HNF1A: variants seen among roughly 807,000 people sequenced by gnomAD.
HNF1A encodes the protein hepatocyte nuclear factor 1-alpha.
Under a neutral mutation model 62.2 loss-of-function variants are expected in HNF1A, and 21 were observed. The observed-to-expected ratio is 0.34, with a 90% CI of 0.24 to 0.49. The LOEUF is 0.49. HNF1A is among the 20% of genes least tolerant of loss of function. The pLI is 0.99. For missense variants in HNF1A, 687 were observed against 832.3 expected (o/e 0.83, Z 2.15); for synonymous variants, 374 against 366.8 (o/e 1.02, Z -0.22).
intron 6 of HNF1A, chr12:120,997,200 G>C: frequency 7.1e-7 from 1 of 1,416,284 alleles, no homozygotes; most frequent in South Asian, 1.6e-5. Flanking sequence ...GAACCCCAGG[G>C]CTCCAGGGAA....
intron 7 of HNF1A, 141 bp downstream of exon 7, chr12:120,997,806 G>A: frequency 2.2e-6 from 2 of 893,052 alleles, no homozygotes; most frequent in Non-Finnish European, 3.7e-6. Flanking sequence ...GAGGGTGTCT[G>A]CAGGCCAGTG....
intron 1 of HNF1A, among the ~76,000 whole-genome samples, chr12:120,981,720 C>T (rs1488373308): frequency 6.6e-6 from 1 of 152,242 alleles, no homozygotes; most frequent in East Asian, 1.9e-4. Flanking sequence ...CCGTCACTCT[C>T]TTCCACTACT....
rs368683806 is a variant in HNF1A at position 120,996,676 on chromosome 12, G to C, written c.1243G>C (p.Gly415Arg). ...MASLPGVMTI[G>R]PGEPASLGPT... is the part of the protein sequence containing the mutation. The stretch of plus-strand genomic sequence containing the variant: ...CTCACTTCCTGGGGTCATGACCATC[G>C]GGCCTGGTGAGCCTGCCTCCCTGGG... The change falls in exon 6 of 10, where the codon GGG (glycine) becomes CGG (arginine). Residue 415 changes from glycine to arginine, a missense_variant. Coordinates refer to ENST00000257555, the MANE Select transcript of HNF1A (RefSeq NM_000545.8). The surrounding 1 kb of genome is among the most constrained non-coding windows in gnomAD (Gnocchi z 4.5). The C allele has an allele frequency of 6.2e-7, 1 of 1,613,968 alleles. No homozygotes were observed. Among genetic ancestry groups the C allele is most frequent in the Non-Finnish European group, 8.5e-7 (1 of 1,180,012 alleles).
At position 120,999,563 on chromosome 12, in the gene HNF1A, C is replaced by T. The variant is rs148520816; in HGVS notation, c.1704C>T (p.Pro568=). The change falls in exon 9 of 10, where the codon CCC becomes CCT. Residue 568 remains proline (P), a synonymous_variant. Coordinates refer to ENST00000257555, the MANE Select transcript of HNF1A (RefSeq NM_000545.8). ...PASQATTLHV[P]SQDPASIQHL... is the part of the protein sequence containing the mutation. ...CTCAGGCCACCACCCTCCACGTCCCCAGCCAGGACCCTGCCAGCATCCAGC... is the reference window on the plus strand; with the variant it reads ...CTCAGGCCACCACCCTCCACGTCCCTAGCCAGGACCCTGCCAGCATCCAGC... 1.8e-4 allele frequency: 291 copies of T among 1,612,982 alleles called. 2 individuals carry two copies. The African/African-American group carries it at 3.6e-3, about 20-fold the overall frequency.
At chr12:120,986,967 G>A (rs1474765149) in intron 1 of HNF1A, among the ~76,000 whole-genome samples, 3 of 152,092 alleles carry the variant, frequency 2.0e-5, no homozygotes, top group African/African-American at 7.2e-5. Flanking sequence ...CAGGAGAGGA[G>A]GAGAGAAAAT....
chr12:120,990,131 A>G (rs1299791635), intron 2 of HNF1A, among the ~76,000 whole-genome samples: 1 of 150,630 alleles, frequency 6.6e-6, no homozygotes, highest in Non-Finnish European at 1.5e-5. Context: ...ATCCAGGTTA[A>G]TTTTTTTTTA....
intron 1 of HNF1A, among the ~76,000 whole-genome samples, chr12:120,988,321 A>C: frequency 1.3e-5 from 2 of 148,498 alleles, no homozygotes; most frequent in East Asian, 4.1e-4. Context: ...TCCATCATCC[A>C]TCCACCCATC....
In HNF1A at chr12:121,001,067, T is replaced by C; in HGVS notation, c.1771T>C (p.Ser591Pro). Residue 591 changes from serine (S) to proline (P), a missense_variant and splice_region_variant, in exon 10 of 10, where the codon TCC becomes CCC. Physicochemically the swap from Ser to Pro is moderately conservative, Grantham distance 74. Coordinates refer to ENST00000257555, the MANE Select transcript of HNF1A (RefSeq NM_000545.8). ...AGCAGCCTTGTTTGCCTCTGCAGTG[T>C]CCTCCAGCAGCCTGGTGCTGTACCA... ...AHRLSASPTV[S>P]SSSLVLYQSS... 1 of 1,613,268 alleles carries C rather than the reference T, an allele frequency of 6.2e-7. No homozygotes were observed. Among genetic ancestry groups the C allele is most frequent in the South Asian group, 1.1e-5 (1 of 91,082 alleles).
At chr12:120,981,891 A>G (rs1481374300) in intron 1 of HNF1A, among the ~76,000 whole-genome samples, 1 of 152,112 alleles carries the variant, frequency 6.6e-6, no homozygotes, top group East Asian at 1.9e-4. Context: ...GCACAGCAGG[A>G]ATGAGTGAGT....
At position 120,988,971 on chromosome 12, in the gene HNF1A, G is replaced by A. The variant is rs2135832770; in HGVS notation, c.465G>A (p.Lys155=). The A allele has an allele frequency of 6.2e-7, 1 of 1,614,232 alleles. No individual in the cohort carries two copies. Among genetic ancestry groups the A allele is most frequent in the Non-Finnish European group, 8.5e-7 (1 of 1,180,044 alleles). ...ACCTCAACAAGGGCACTCCCATGAA[G>A]ACGCAGAAGCGGGCCGCCCTGTACA... ...SQHLNKGTPM[K]TQKRAALYTW... is the part of the protein sequence containing the mutation. The change falls in exon 2 of 10, where the codon AAG becomes AAA. Residue 155 remains lysine (K), a synonymous_variant. Coordinates refer to ENST00000257555, the MANE Select transcript of HNF1A (RefSeq NM_000545.8).
chr12:120,996,097 C>G lies in HNF1A; in HGVS notation c.956-165C>G, dbSNP rs984215805. ...TTCAAGGAACTGGGAGCAGCTGACC[C>G]AGGGCTTGGCAAAAGGTAGAAACAA... On this transcript the variant is annotated intron_variant, in intron 4 of 9. Transcript: ENST00000257555. This position sits in a 1 kb window ranked among gnomAD's most constrained non-coding sequence, Gnocchi z 4.5. Among the ~76,000 whole-genome samples the G allele has an allele frequency of 1.3e-5, 2 of 152,174 alleles. No homozygotes were observed. Among genetic ancestry groups the G allele is most frequent in the African/African-American group, 4.8e-5 (2 of 41,434 alleles).
At chr12:120,994,034 G>A (rs758355291) in intron 3 of HNF1A, 130 bp from the exon 4 acceptor site, 1 of 1,251,480 alleles carries the variant, frequency 8.0e-7, no homozygotes, top group African/African-American at 1.5e-5. Context: ...AGCAGACCTG[G>A]CATTGGAACC....
At chr12:120,987,290 C>T (rs370375350) in intron 1 of HNF1A, among the ~76,000 whole-genome samples, 5 of 151,872 alleles carry the variant, frequency 3.3e-5, no homozygotes, top group East Asian at 3.9e-4. Flanking sequence ...CTGGCTAACA[C>T]GGTGAAACCC....
intron 9 of HNF1A, 48 bp from the exon 10 acceptor site, chr12:121,001,008 AGGTGGGGTG>A: frequency 6.2e-7 from 1 of 1,607,740 alleles, no homozygotes; most frequent in Non-Finnish European, 8.5e-7. Context: ...AGGGACAGGC[AGGTGGGGTG>A]GGTGTGGGTG....
chr12:120,999,766 C>T (rs552480687), intron 9 of HNF1A, 139 bp downstream of exon 9: 41 of 1,184,692 alleles, frequency 3.5e-5, no homozygotes, highest in Middle Eastern at 5.8e-4. Context: ...CACTGGCAGG[C>T]GTGGAGGGGT....
Position 121,001,423 on chromosome 12 carries a change from A to G in HNF1A, c.*231A>G, listed in dbSNP as rs1288875682. On this transcript the variant is annotated 3_prime_UTR_variant, in exon 10 of 10. Transcript: ENST00000257555. ...AGGGGGTCGTGGAGAGCTAGGAGCA[A>G]AGCCTGTTCATGGCAGATGTAGGAG... The G allele has an allele frequency of 5.3e-6, 3 of 569,386 alleles. No homozygotes were observed. Among genetic ancestry groups the G allele is most frequent in the African/African-American group, 3.7e-5 (2 of 53,376 alleles). 35.3% of individuals were successfully genotyped at this position (569,386 alleles called of 1,614,324 possible).
rs1288957417 is a variant in HNF1A, at chr12:120,996,553, G to A, written c.1120G>A (p.Gly374Arg). ...CTTCCCCTCGTAGGTCTCAGCAGCT[G>A]GGGGCCCCCTCCCCCCTGTCAGCAC... ...STEAKLVSAA[G>R]GPLPPVSTLT... Residue 374 changes from glycine (G) to arginine (R), a missense_variant, in exon 6 of 10, where the codon GGG becomes AGG. By Grantham distance (125) the Gly-to-Arg change is moderately radical. This residue lies in a region of HNF1A where 408 missense variants were observed against 455.3 expected (regional missense o/e 0.90). Transcript: ENST00000257555. The surrounding 1 kb of genome is among the most constrained non-coding windows in gnomAD (Gnocchi z 4.5). 2 of 1,613,512 alleles carry A rather than the reference G, an allele frequency of 1.2e-6. No homozygotes were observed. Among genetic ancestry groups the A allele is most frequent in the Non-Finnish European group, 8.5e-7 (1 of 1,179,912 alleles).
At position 120,978,587 on chromosome 12, in the gene HNF1A, C is replaced by T. The variant is rs909308709; in HGVS notation, c.-182C>T. ...CAGGCAGGGGCCCTGATTCACGGGC[C>T]GCTGGGGCCAGGGTTGGGGGTTGGG... is the stretch of plus-strand genomic sequence containing the variant. On this transcript the variant is annotated 5_prime_UTR_variant, in exon 1 of 10. Transcript: ENST00000257555. 3.0e-6 allele frequency: 2 copies of T among 656,206 alleles called. No homozygotes were observed. Among genetic ancestry groups the T allele is most frequent in the African/African-American group, 1.8e-5 (1 of 55,790 alleles). 40.6% of individuals were successfully genotyped at this position (656,206 alleles called of 1,614,324 possible).
At chr12:120,999,228 G>T in intron 7 of HNF1A, 40 bp from the exon 8 acceptor site, 1 of 1,613,096 alleles carries the variant, frequency 6.2e-7, no homozygotes, top group East Asian at 2.2e-5. Context: ...GGGCTGTCAG[G>T]CACGTCTGCC....
Sources: allele counts gnomAD v4.1 joint callset (sites outside exome capture counted in the v4.1 genomes callset), GRCh38; gene constraint gnomAD v4.1.1; regional missense constraint gnomAD v4.1.1; non-coding constraint Gnocchi (gnomAD v3.1); transcripts MANE v1.5; gene names NCBI Gene and HGNC (gene_info 2026-07-23, HGNC 2026-07-21).